The following LRRC8A variants were observed in gnomAD, a reference collection of about 807,000 sequenced individuals.
The protein encoded by LRRC8A is leucine rich repeat containing 8 VRAC subunit A.
LRRC8A carries 24 observed loss-of-function variants against 52.5 expected under a neutral mutation model. The ratio of observed to expected loss-of-function variants is 0.46; its 90% CI spans 0.33 to 0.64. LRRC8A has a LOEUF of 0.64. LRRC8A is among the 30% of genes least tolerant of loss of function. The pLI is 0.02. For synonymous variants in LRRC8A, 492 were observed against 494.2 expected, an observed-to-expected ratio of 1.00 and a Z score of 0.06; for missense variants, 677 against 1,094.7, an observed-to-expected ratio of 0.62 and a Z score of 5.38.
In LRRC8A at chr9:128,902,489, C is replaced by T. The variant is rs1840065423; in HGVS notation, c.-8-4668C>T. On this transcript the variant is annotated intron_variant, in intron 2 of 3. Coordinates refer to ENST00000372600, the MANE Select transcript of LRRC8A (RefSeq NM_019594.4). The surrounding 1 kb of genome is among the most constrained non-coding windows in gnomAD (Gnocchi z 4.1). ...GGAAGCAGGTGTTTCTGTGAGCGAA[C>T]ACACCCCACTCCCTGAACACGAGGG... 6.6e-6 allele frequency among the ~76,000 whole-genome samples: 1 copy of T among 152,166 alleles called. No homozygotes were observed. Among genetic ancestry groups the T allele is most frequent in the Admixed American group, 6.5e-5 (1 of 15,278 alleles).
At chr9:128,896,192 A>T (rs918604652) in intron 2 of LRRC8A, among the ~76,000 whole-genome samples, 6 of 152,212 alleles carry the variant, frequency 3.9e-5, no homozygotes, top group Non-Finnish European at 8.8e-5. Flanking sequence ...ATCATCTACA[A>T]CTTGTTTTTT....
At chr9:128,895,252 G>A (rs559545057) in intron 2 of LRRC8A, among the ~76,000 whole-genome samples, 63 of 152,284 alleles carry the variant, frequency 4.1e-4, no homozygotes, top group African/African-American at 1.5e-3. Context: ...GGGAGGCTGA[G>A]GTAGGAGAAT....
intron 3 of LRRC8A, among the ~76,000 whole-genome samples, chr9:128,913,117 G>A (rs1198104449): frequency 6.6e-6 from 1 of 152,218 alleles, no homozygotes; most frequent in East Asian, 1.9e-4. Flanking sequence ...AGAAGGACAG[G>A]AGTCTGCAGA....
intron 2 of LRRC8A, among the ~76,000 whole-genome samples, chr9:128,905,179 G>T (rs76681737): frequency 0.015 from 2,320 of 152,174 alleles, 43 homozygotes; most frequent in African/African-American, 0.047. Context: ...TCTCTTACAA[G>T]AAAAATTATA....
intron 2 of LRRC8A, among the ~76,000 whole-genome samples, chr9:128,895,567 C>T (rs1203888722): frequency 6.6e-6 from 1 of 152,198 alleles, no homozygotes; most frequent in African/African-American, 2.4e-5. Context: ...ATGCCCTGGC[C>T]CTGGCCAGGA....
At chr9:128,914,367 C>T (rs1450197487) in intron 3 of LRRC8A, among the ~76,000 whole-genome samples, 1 of 147,284 alleles carries the variant, frequency 6.8e-6, no homozygotes, top group Admixed American at 7.1e-5. Flanking sequence ...GTCTGCAAAA[C>T]GGTCCTCAGC....
At chr9:128,904,273 C>G (rs530610496) in intron 2 of LRRC8A, among the ~76,000 whole-genome samples, 1 of 152,174 alleles carries the variant, frequency 6.6e-6, no homozygotes, top group Non-Finnish European at 1.5e-5. Context: ...AATCCCAGCA[C>G]TGTGGGAGGC....
intron 2 of LRRC8A, among the ~76,000 whole-genome samples, chr9:128,891,438 T>C (rs990829370): frequency 6.6e-6 from 1 of 152,080 alleles, no homozygotes; most frequent in Admixed American, 6.5e-5. Context: ...GGCACATGCC[T>C]GTAGTTTCAG....
chr9:128,883,106 G>A (rs1180678269), intron 1 of LRRC8A, among the ~76,000 whole-genome samples: 2 of 152,204 alleles, frequency 1.3e-5, no homozygotes, highest in Non-Finnish European at 2.9e-5. Context: ...GGGGTTGTCT[G>A]GTAGCCGCCT....
chr9:128,886,595 C>T (rs906895757), intron 2 of LRRC8A, among the ~76,000 whole-genome samples: 7 of 152,160 alleles, frequency 4.6e-5, no homozygotes, highest in Non-Finnish European at 7.3e-5. Flanking sequence ...AGGGAGCTAG[C>T]GACTCGTGTT....
intron 2 of LRRC8A, among the ~76,000 whole-genome samples, chr9:128,906,342 G>C (rs1332855470): frequency 1.8e-5 from 1 of 55,416 alleles, no homozygotes; most frequent in Non-Finnish European, 3.4e-5. Flanking sequence ...TTTTTTTTGA[G>C]TTGGAGTTTC....
chr9:128,883,037 G>A, intron 1 of LRRC8A: 1 of 351,116 alleles, frequency 2.8e-6, no homozygotes, highest in Non-Finnish European at 5.1e-6. Context: ...GGTGAACCGA[G>A]GTCTGCCGGT....
At position 128,906,586 on chromosome 9, in the gene LRRC8A, G is replaced by A. The variant is rs553951307; in HGVS notation, c.-8-571G>A. ...GATCCACCCACCTCGGCCTCCCAAAGTGCTGGGATTACAGACGTGAACCAC... is the reference window on the plus strand; with the variant it reads ...GATCCACCCACCTCGGCCTCCCAAAATGCTGGGATTACAGACGTGAACCAC... On this transcript the variant is annotated intron_variant, in intron 2 of 3. Transcript: ENST00000372600. Among the ~76,000 whole-genome samples the A allele has an allele frequency of 2.0e-5, 3 of 152,190 alleles. No individual in the cohort carries two copies. The South Asian group carries it at 6.2e-4, about 32-fold the overall frequency.
intron 2 of LRRC8A, among the ~76,000 whole-genome samples, chr9:128,901,238 G>A (rs1310071863): frequency 6.6e-6 from 1 of 152,170 alleles, no homozygotes; most frequent in African/African-American, 2.4e-5. Context: ...GCCAAGGCGG[G>A]TGGATCATGA....
chr9:128,900,821 C>A (rs74738711), intron 2 of LRRC8A, among the ~76,000 whole-genome samples: 1 of 152,100 alleles, frequency 6.6e-6, no homozygotes, highest in Non-Finnish European at 1.5e-5. Flanking sequence ...CAAGTTCAGG[C>A]GTTTGAGGCC....
At position 128,902,348 on chromosome 9, in the gene LRRC8A, G is replaced by A. The variant is rs150811338; in HGVS notation, c.-8-4809G>A. Among the ~76,000 whole-genome samples, 1 of 152,252 alleles carries A rather than the reference G, an allele frequency of 6.6e-6. No homozygotes were observed. The highest frequency in any genetic ancestry group is 1.9e-4 in the East Asian group (1 of 5,158). ...TGGGCAGGTGGTTTTGCCTCTGTGA[G>A]CCTCAGTTTCCCTCACCTGTGTGAC... On this transcript the variant is annotated intron_variant, in intron 2 of 3. Coordinates refer to ENST00000372600, the MANE Select transcript of LRRC8A (RefSeq NM_019594.4). The surrounding 1 kb of genome is among the most constrained non-coding windows in gnomAD (Gnocchi z 4.1).
chr9:128,917,648 T>TTA lies in LRRC8A; in HGVS notation c.*1278_*1279dup, dbSNP rs748615293. 1.3e-5 allele frequency: 2 copies of TTA among 152,884 alleles called. No individual in the cohort carries two copies. Among genetic ancestry groups the TTA allele is most frequent in the Non-Finnish European group, 2.9e-5 (2 of 68,148 alleles). The allele number at this position is 152,884 out of a possible 1,614,324, so 9.5% of individuals were successfully genotyped here. A position where few individuals can be genotyped will look rare whatever the true frequency, so the allele number is the denominator to read the frequency against. On this transcript the variant is annotated 3_prime_UTR_variant, in exon 4 of 4. Coordinates refer to ENST00000372600, the MANE Select transcript of LRRC8A (RefSeq NM_019594.4). The stretch of plus-strand genomic sequence containing the variant: ...CTGGTCCTTCATGAAGAGCAGACAC[T>TTA]TAGAGGCTGGTCGGGAATGGGGAGG...
Position 128,916,003 on chromosome 9 carries a change from T to A in LRRC8A, c.2158-93T>A, listed in dbSNP as rs150808591. 1,525 of 1,443,764 alleles carry A rather than the reference T, an allele frequency of 1.1e-3. 5 individuals are homozygous for A. The highest frequency in any genetic ancestry group is 6.4e-3 in the Middle Eastern group (35 of 5,472). 89.4% of individuals were successfully genotyped at this position (1,443,764 alleles called of 1,614,324 possible). ...CTGGGGGCCTGGGGATCAGAAAAGA[T>A]GCTGAGATCTTGGGGAGAGAGGGAA... On this transcript the variant is annotated intron_variant, in intron 3 of 3. Transcript: ENST00000372600. This position sits in a 1 kb window ranked among gnomAD's most constrained non-coding sequence, Gnocchi z 6.1.
At chr9:128,889,684 G>A (rs543487430) in intron 2 of LRRC8A, among the ~76,000 whole-genome samples, 8 of 151,906 alleles carry the variant, frequency 5.3e-5, no homozygotes, top group African/African-American at 1.2e-4. Flanking sequence ...TAGTAGAGAC[G>A]GGGTGTCACC....
Sources: gnomAD v4.1 joint callset for allele counts (sites outside exome capture counted in the v4.1 genomes callset) on GRCh38, gnomAD v4.1.1 for gene constraint, Gnocchi (gnomAD v3.1) non-coding constraint, MANE v1.5 for transcripts, NCBI Gene and HGNC (gene_info 2026-07-23, HGNC 2026-07-21) for gene names.